The following BAHCC1 variants were observed in gnomAD, a reference collection of about 807,000 sequenced individuals.
BAHCC1 encodes the protein BAH domain and coiled-coil containing 1.
In BAHCC1, 43 loss-of-function variants were observed where a neutral mutation model predicts 88.2. The observed-to-expected ratio is 0.49, with a 90% CI of 0.38 to 0.63. The LOEUF is 0.63. Among genes scored for constraint, BAHCC1 ranks in the 20% least tolerant of loss-of-function variants. The pLI is 0.00. For missense variants in BAHCC1, 3,023 were observed against 1,654.8 expected (o/e 1.83, Z -14.34); for synonymous variants, 1,510 against 745.5 (o/e 2.03, Z -16.71).
chr17:81,460,351 G>A lies in BAHCC1; in HGVS notation c.5980G>A (p.Ala1994Thr), dbSNP rs184910991. ...TGACGATGGGGATACAGGCCACATC[G>A]CCGTCTCCAACGTCAGGCTGCTGCC... Reference protein sequence around the residue: ...EFDDGDTGHIAVSNVRLLPPD... With the variant: ...EFDDGDTGHITVSNVRLLPPD... The change falls in exon 24 of 28, where the codon GCC becomes ACC. Residue 1994 changes from alanine to threonine, a missense_variant. By Grantham distance (58) the Ala-to-Thr change is moderately conservative. Coordinates refer to ENST00000675386, the MANE Select transcript of BAHCC1 (RefSeq NM_001377448.1). 3.1e-5 allele frequency: 24 copies of A among 775,102 alleles called. No homozygotes were observed. Among genetic ancestry groups the A allele is most frequent in the African/African-American group, 6.8e-5 (4 of 59,118 alleles). 48.0% of individuals were successfully genotyped at this position (775,102 alleles called of 1,614,324 possible).
In BAHCC1 at chr17:81,399,132, T is replaced by TGC; in HGVS notation, c.-206-401_-206-400insCG. 1 of 247,180 alleles carries TGC rather than the reference T, an allele frequency of 4.0e-6. No homozygotes were observed. The highest frequency in any genetic ancestry group is 8.3e-6 in the Non-Finnish European group (1 of 120,756). The allele number at this position is 247,180 out of a possible 1,614,324, so 15.3% of individuals were successfully genotyped here. On this transcript the variant is annotated intron_variant, in intron 1 of 27. Coordinates refer to ENST00000675386, the MANE Select transcript of BAHCC1 (RefSeq NM_001377448.1). The surrounding 1 kb of genome is among the most constrained non-coding windows in gnomAD (Gnocchi z 4.5). ...AGGGGAGAGGGTGTGCGTGTGAGTG[T>TGC]GTGTGTGTGTGTGTGTGTGTGCGAG... is the stretch of plus-strand genomic sequence containing the variant.
Position 81,442,523 on chromosome 17 carries a change from C to A in BAHCC1, c.1174C>A (p.Pro392Thr). The A allele has an allele frequency of 1.4e-6, 1 of 728,340 alleles. No individual in the cohort carries two copies. The highest frequency in any genetic ancestry group is 2.6e-6 in the Non-Finnish European group (1 of 392,110). 45.1% of individuals were successfully genotyped at this position (728,340 alleles called of 1,614,324 possible). Residue 392 changes from proline (P) to threonine (T), a missense_variant, in exon 5 of 28, where the codon CCC becomes ACC. Coordinates refer to ENST00000675386, the MANE Select transcript of BAHCC1 (RefSeq NM_001377448.1). ...KAPRDLKASG[P>T]TFVPSVGHLA... ...CCCCCGGGACCTAAAGGCCAGCGGG[C>A]CCACCTTCGTGCCTTCTGTGGGACA...
chr17:81,410,539 G>A (rs530056790), intron 2 of BAHCC1, among the ~76,000 whole-genome samples: 79 of 152,356 alleles, frequency 5.2e-4, no homozygotes, highest in African/African-American at 1.8e-3. Context: ...CTGGGGCGTT[G>A]GATGTGACTG....
rs1263810823 is a variant in BAHCC1 at position 81,447,938 on chromosome 17, G to A, written c.3976+90G>A. On this transcript the variant is annotated intron_variant, in intron 11 of 27. Transcript: ENST00000675386. ...GGTCACCTGGCCAGACGGCAGCCTTGGGCCCCGCTCAGTTGTCCCCAAAGT... is the reference window on the plus strand; with the variant it reads ...GGTCACCTGGCCAGACGGCAGCCTTAGGCCCCGCTCAGTTGTCCCCAAAGT... 3 of 686,028 alleles carry A rather than the reference G, an allele frequency of 4.4e-6. No individual in the cohort carries two copies. In the East Asian group the frequency reaches 8.1e-5, roughly 19 times the overall value. 42.5% of individuals were successfully genotyped at this position (686,028 alleles called of 1,614,324 possible). A position where few individuals can be genotyped will look rare whatever the true frequency, so the allele number is the denominator to read the frequency against.
At position 81,442,468 on chromosome 17, in the gene BAHCC1, T is replaced by C; in HGVS notation, c.1119T>C (p.Pro373=). The C allele has an allele frequency of 4.2e-6, 3 of 718,744 alleles. No individual in the cohort carries two copies. Among genetic ancestry groups the C allele is most frequent in the African/African-American group, 1.7e-5 (1 of 57,304 alleles). The allele number at this position is 718,744 out of a possible 1,614,324, so 44.5% of individuals were successfully genotyped here. Residue 373 remains proline (P), a synonymous_variant, in exon 5 of 28, where the codon CCT becomes CCC. Coordinates refer to ENST00000675386, the MANE Select transcript of BAHCC1 (RefSeq NM_001377448.1). ...CCTGCCTGCAGCTGCACGGGGGCCCTGACGGGCTCTGCCCGCTGCAGGACA... is the reference window on the plus strand; with the variant it reads ...CCTGCCTGCAGCTGCACGGGGGCCCCGACGGGCTCTGCCCGCTGCAGGACA... ...SFPCLQLHGG[P]DGLCPLQDKA...
At chr17:81,401,854 A>T (rs1281813071) in intron 2 of BAHCC1, 1 of 152,392 alleles carries the variant, frequency 6.6e-6, no homozygotes, top group Non-Finnish European at 1.5e-5. Context: ...CCCAGCTCAC[A>T]TCCTGGCCAG....
chr17:81,445,307 G>A (rs1051899312), intron 9 of BAHCC1, 47 bp from the exon 10 acceptor site: 1 of 741,300 alleles, frequency 1.3e-6, no homozygotes, highest in Admixed American at 1.9e-5. Flanking sequence ...GGCCCACTGG[G>A]GTCAGGGGAT....
At position 81,460,388 on chromosome 17, in the gene BAHCC1, A is replaced by C. The variant is rs782359939; in HGVS notation, c.6017A>C (p.Lys2006Thr). 1.3e-6 allele frequency: 1 copy of C among 765,494 alleles called. No homozygotes were observed. The allele number at this position is 765,494 out of a possible 1,614,324, so 47.4% of individuals were successfully genotyped here. A position where few individuals can be genotyped will look rare whatever the true frequency, so the allele number is the denominator to read the frequency against. The change falls in exon 24 of 28, where the codon AAG becomes ACG. Residue 2006 changes from lysine (K) to threonine (T), a missense_variant. Physicochemically the swap from Lys to Thr is moderately conservative, Grantham distance 78. Coordinates refer to ENST00000675386, the MANE Select transcript of BAHCC1 (RefSeq NM_001377448.1). ...SNVRLLPPDF[K>T]IQCTEPSPAL... ...GTCAGGCTGCTGCCCCCTGACTTCA[A>C]GATCCAGTGTGAGCCTGGGAGCTGC...
At chr17:81,454,420 G>A (rs562889742) in intron 14 of BAHCC1, among the ~76,000 whole-genome samples, 3 of 152,290 alleles carry the variant, frequency 2.0e-5, no homozygotes, top group East Asian at 3.9e-4. Context: ...AGGGGCCAGG[G>A]ATGCAGAATT....
chr17:81,397,257 T>G (rs1200926057), intron 1 of BAHCC1: 1 of 152,066 alleles, frequency 6.6e-6, no homozygotes, highest in Non-Finnish European at 1.5e-5. Flanking sequence ...TCGAGCAGGC[T>G]GGTGAGAAAG....
At chr17:81,438,967 A>C (rs955070650) in intron 4 of BAHCC1, among the ~76,000 whole-genome samples, 1 of 151,912 alleles carries the variant, frequency 6.6e-6, no homozygotes, top group East Asian at 1.9e-4. Flanking sequence ...CCCAGCCCCC[A>C]GCCCCCAGCC....
rs190632446 is a variant in BAHCC1, at chr17:81,462,597, G to A, written c.7384-143G>A. 1.4e-3 allele frequency: 862 copies of A among 600,290 alleles called. 17 individuals carry two copies. In the South Asian group the frequency reaches 0.015, roughly 11 times the overall value. 37.2% of individuals were successfully genotyped at this position (600,290 alleles called of 1,614,324 possible). A position where few individuals can be genotyped will look rare whatever the true frequency, so the allele number is the denominator to read the frequency against. ...CCATGGCCTTAAGCCGCGGTGCTGC[G>A]GCTTCCTGCCCTTGTGGGCGCCCTG... On this transcript the variant is annotated intron_variant, in intron 26 of 27. Coordinates refer to ENST00000675386, the MANE Select transcript of BAHCC1 (RefSeq NM_001377448.1).
intron 11 of BAHCC1, among the ~76,000 whole-genome samples, chr17:81,449,713 C>T (rs2064598683): frequency 6.6e-6 from 1 of 151,286 alleles, no homozygotes; most frequent in Non-Finnish European, 1.5e-5. Flanking sequence ...CCATTCCCTG[C>T]GGATCCTGGA....
intron 2 of BAHCC1, among the ~76,000 whole-genome samples, chr17:81,405,805 G>A (rs1319600734): frequency 6.6e-6 from 1 of 152,202 alleles, no homozygotes; most frequent in Non-Finnish European, 1.5e-5. Context: ...CCTGTCCTCT[G>A]TCCTCTGCCC....
chr17:81,416,460 G>GGGT, intron 2 of BAHCC1, among the ~76,000 whole-genome samples: 1 of 122,214 alleles, frequency 8.2e-6, no homozygotes, highest in Non-Finnish European at 1.6e-5. Flanking sequence ...GTCCATTGAG[G>GGGT]GTGTGTGTGT....
In BAHCC1 at chr17:81,460,558, G is replaced by T; in HGVS notation, c.6054G>T (p.Val2018=). ...QCTEPSPALL[V]SSSCRRTKKV... is the part of the protein sequence containing the mutation. ...CAGAGCCCTCTCCAGCCCTGCTAGT[G>T]TCTAGCAGCTGCCGGAGGACCAAGA... Residue 2018 remains valine (V), a synonymous_variant, in exon 25 of 28, where the codon GTG becomes GTT. Transcript: ENST00000675386. The T allele has an allele frequency of 1.3e-6, 1 of 766,900 alleles. No homozygotes were observed. Among genetic ancestry groups the T allele is most frequent in the Non-Finnish European group, 2.4e-6 (1 of 411,628 alleles). 47.5% of individuals were successfully genotyped at this position (766,900 alleles called of 1,614,324 possible). A position where few individuals can be genotyped will look rare whatever the true frequency, so the allele number is the denominator to read the frequency against.
At chr17:81,432,242 C>G (rs1308212485) in intron 3 of BAHCC1, among the ~76,000 whole-genome samples, 1 of 152,082 alleles carries the variant, frequency 6.6e-6, no homozygotes, top group Admixed American at 6.5e-5. Flanking sequence ...TGGATCTGAC[C>G]GATGGTGCAG....
chr17:81,415,830 C>T (rs138392238), intron 2 of BAHCC1, among the ~76,000 whole-genome samples: 33 of 152,342 alleles, frequency 2.2e-4, no homozygotes, highest in Admixed American at 3.3e-4. Context: ...CACCTGGGTG[C>T]GGGGACCCCA....
chr17:81,461,929 C>T lies in BAHCC1; in HGVS notation c.7266C>T (p.Phe2422=). The part of the protein sequence containing the change: ...SKLKRKEALS[F]SKAKELSRRQ... ...TCAAGCGCAAAGAGGCCCTGAGCTT[C>T]TCCAAAGCCAAAGAGCTCTCCCGGA... Residue 2422 remains phenylalanine (F), a synonymous_variant, in exon 26 of 28, where the codon TTC becomes TTT. Transcript: ENST00000675386. 1.3e-6 allele frequency: 1 copy of T among 758,538 alleles called. No homozygotes were observed. The highest frequency in any genetic ancestry group is 2.5e-6 in the Non-Finnish European group (1 of 408,134). 47.0% of individuals were successfully genotyped at this position (758,538 alleles called of 1,614,324 possible).
Sources: allele counts gnomAD v4.1 joint callset (sites outside exome capture counted in the v4.1 genomes callset), GRCh38; gene constraint gnomAD v4.1.1; non-coding constraint Gnocchi (gnomAD v3.1); transcripts MANE v1.5; gene names NCBI Gene and HGNC (gene_info 2026-07-23, HGNC 2026-07-21).